The following PCM1 variants were observed in gnomAD, a reference collection of about 807,000 sequenced individuals.
PCM1 encodes the protein pericentriolar material 1.
A neutral mutation model predicts 241.9 loss-of-function variants in PCM1; 157 were observed. The ratio of observed to expected loss-of-function variants is 0.65; its 90% CI spans 0.57 to 0.74. The LOEUF (loss-of-function observed/expected upper bound fraction) is 0.74. Among genes scored for constraint, PCM1 ranks in the 30% least tolerant of loss-of-function variants. The probability of loss-of-function intolerance (pLI) is 0.00; values close to 1 mark genes in which losing one functional copy is unlikely to be tolerated. For missense variants in PCM1, 3,478 were observed against 2,360.1 expected (o/e 1.47, Z -9.81); for synonymous variants, 1,085 against 784.9 (o/e 1.38, Z -6.39).
chr8:17,938,693 G>A, intron 4 of PCM1, 47 bp from the exon 5 acceptor site: 1 of 1,478,136 alleles, frequency 6.8e-7, no homozygotes, highest in African/African-American at 1.4e-5. Context: ...ACAAAATTTT[G>A]TCATAAGGTT....
chr8:17,951,074 C>A (rs549683541), intron 8 of PCM1, among the ~76,000 whole-genome samples: 1 of 152,158 alleles, frequency 6.6e-6, no homozygotes, highest in African/African-American at 2.4e-5. Context: ...TAAGACTTTG[C>A]TTTAAATCTG....
At position 17,938,294 on chromosome 8, in the gene PCM1, T is replaced by C. The variant is rs550949722; in HGVS notation, c.343-446T>C. Among the ~76,000 whole-genome samples, 77 of 152,302 alleles carry C rather than the reference T, an allele frequency of 5.1e-4. No homozygotes were observed. In the South Asian group the frequency reaches 0.013, roughly 27 times the overall value. ...TTCGTGCACAAAATTATTAAAAATA[T>C]TGTATAAGATTACCTTCAGATTATG... On this transcript the variant is annotated intron_variant, in intron 4 of 38. Transcript: ENST00000325083.
intron 11 of PCM1, among the ~76,000 whole-genome samples, chr8:17,957,028 A>G (rs1007589436): frequency 5.9e-5 from 9 of 152,018 alleles, no homozygotes; most frequent in Non-Finnish European, 1.0e-4. Flanking sequence ...CTAACTTAGC[A>G]TTTTGCTGTC....
intron 9 of PCM1, 131 bp downstream of exon 9, chr8:17,953,317 T>A (rs893420578): frequency 6.0e-5 from 28 of 463,248 alleles, no homozygotes; most frequent in African/African-American, 4.6e-4. Flanking sequence ...AAGACTTGCA[T>A]ATGAAAAGTT....
At chr8:17,981,316 T>C (rs2129475492) in intron 24 of PCM1, among the ~76,000 whole-genome samples, 1 of 152,368 alleles carries the variant, frequency 6.6e-6, no homozygotes, top group South Asian at 2.1e-4. Flanking sequence ...GTTTCTCTGC[T>C]GGACTCTTAA....
chr8:17,939,734 C>T lies in PCM1; in HGVS notation c.656C>T (p.Ala219Val). ...CAAATTCGCGATTATATTACTAAAGCTAGTTCCATGCGGGAAGATCTTGTA... is the reference window on the plus strand; with the variant it reads ...CAAATTCGCGATTATATTACTAAAGTTAGTTCCATGCGGGAAGATCTTGTA... ...LVQIRDYITKASSMREDLVEK... is the reference protein window; with the variant it reads ...LVQIRDYITKVSSMREDLVEK... The change falls in exon 6 of 39, where the codon GCT becomes GTT. Residue 219 changes from alanine (A) to valine (V), a missense_variant. By Grantham distance (64) the Ala-to-Val change is moderately conservative. Coordinates refer to ENST00000325083, the MANE Select transcript of PCM1 (RefSeq NM_006197.4). 1 of 1,559,722 alleles carries T rather than the reference C, an allele frequency of 6.4e-7. No individual in the cohort carries two copies.
At chr8:17,969,840 CG>C in intron 22 of PCM1, 92 bp downstream of exon 22, 5 of 951,164 alleles carry the variant, frequency 5.3e-6, no homozygotes, top group Non-Finnish European at 8.0e-6. Context: ...CTAGGGAGGA[CG>C]TTTGTGATGA....
chr8:17,956,778 G>A lies in PCM1; in HGVS notation c.1646+1G>A, dbSNP rs1000179826. On this transcript the variant is annotated splice_donor_variant, in intron 11 of 38. Coordinates refer to ENST00000325083, the MANE Select transcript of PCM1 (RefSeq NM_006197.4). LOFTEE classifies it high-confidence loss of function. ...ATTCCGAGCCTGTTACTAACATTCG[G>A]TAAGAACTTTTCTGGGGATGTTTTT... The A allele has an allele frequency of 6.2e-7, 1 of 1,603,000 alleles. No individual in the cohort carries two copies. The highest frequency in any genetic ancestry group is 1.7e-5 in the Admixed American group (1 of 59,010).
At position 17,966,486 on chromosome 8, in the gene PCM1, T is replaced by C; in HGVS notation, c.3221+13T>C. 6.2e-7 allele frequency: 1 copy of C among 1,612,078 alleles called. No homozygotes were observed. The highest frequency in any genetic ancestry group is 8.5e-7 in the Non-Finnish European group (1 of 1,178,578). On this transcript the variant is annotated intron_variant, in intron 20 of 38. Coordinates refer to ENST00000325083, the MANE Select transcript of PCM1 (RefSeq NM_006197.4). ...ATAATGTTCAGAGGTAATCTGTTTC[T>C]TAGAAGTATTGAGACTGTATAAGAG...
chr8:17,994,369 A>G (rs1319953921), intron 29 of PCM1, among the ~76,000 whole-genome samples: 1 of 152,114 alleles, frequency 6.6e-6, no homozygotes, highest in African/African-American at 2.4e-5. Flanking sequence ...AGGTCTCATT[A>G]TTTTTTATGG....
At position 17,961,055 on chromosome 8, in the gene PCM1, T is replaced by C. The variant is rs528741779; in HGVS notation, c.2322+611T>C. ...TGACTTTTGCAGTTATGGACCAGCATTTCCATCTTTTACTGGCCTGAAATA... is the reference window on the plus strand; with the variant it reads ...TGACTTTTGCAGTTATGGACCAGCACTTCCATCTTTTACTGGCCTGAAATA... On this transcript the variant is annotated intron_variant, in intron 15 of 38. Coordinates refer to ENST00000325083, the MANE Select transcript of PCM1 (RefSeq NM_006197.4). 3.3e-5 allele frequency among the ~76,000 whole-genome samples: 5 copies of C among 152,288 alleles called. No individual in the cohort carries two copies. The East Asian group carries it at 5.8e-4, about 18-fold the overall frequency.
At chr8:17,951,031 T>C (rs960802503) in intron 8 of PCM1, among the ~76,000 whole-genome samples, 2 of 152,212 alleles carry the variant, frequency 1.3e-5, no homozygotes, top group South Asian at 4.1e-4. Flanking sequence ...ACGTATTCTT[T>C]TTTCCTCTAA....
intron 4 of PCM1, among the ~76,000 whole-genome samples, chr8:17,938,512 G>A (rs2061104490): frequency 1.3e-5 from 2 of 152,180 alleles, no homozygotes; most frequent in East Asian, 1.9e-4. Context: ...GTTCATATTC[G>A]TCAGTTGAAT....
At chr8:17,953,521 A>G (rs1229357904) in intron 9 of PCM1, among the ~76,000 whole-genome samples, 5 of 151,960 alleles carry the variant, frequency 3.3e-5, no homozygotes, top group Non-Finnish European at 5.9e-5. Flanking sequence ...ATTTTCCCTT[A>G]AAGAAAAGTT....
chr8:17,941,276 T>G (rs1264608087), intron 6 of PCM1, among the ~76,000 whole-genome samples: 1 of 152,188 alleles, frequency 6.6e-6, no homozygotes, highest in African/African-American at 2.4e-5. Flanking sequence ...GGAACTTGTA[T>G]AGATTTATTG....
chr8:17,928,775 G>C (rs543794400), intron 2 of PCM1, among the ~76,000 whole-genome samples: 1 of 152,014 alleles, frequency 6.6e-6, no homozygotes, highest in Non-Finnish European at 1.5e-5. Flanking sequence ...GGGATTACAG[G>C]CATGTGCCAC....
chr8:17,972,924 T>A (rs1472726379), intron 23 of PCM1, among the ~76,000 whole-genome samples: 1 of 152,186 alleles, frequency 6.6e-6, no homozygotes, highest in African/African-American at 2.4e-5. Context: ...TTTTTGTACT[T>A]CTTAAAGCTT....
intron 29 of PCM1, among the ~76,000 whole-genome samples, chr8:18,003,594 G>A (rs1455466437): frequency 6.6e-6 from 1 of 151,970 alleles, no homozygotes; most frequent in East Asian, 1.9e-4. Context: ...TAGCACTTAT[G>A]ACAAAGGATC....
At chr8:17,966,561 G>C in intron 20 of PCM1, 88 bp downstream of exon 20, 2 of 1,144,764 alleles carry the variant, frequency 1.7e-6, no homozygotes, top group Non-Finnish European at 2.5e-6. Flanking sequence ...AAAAGAGCAA[G>C]ACCAAATTGC....
Sources: gnomAD v4.1 joint callset for allele counts (sites outside exome capture counted in the v4.1 genomes callset) on GRCh38, gnomAD v4.1.1 for gene constraint, MANE v1.5 for transcripts, NCBI Gene and HGNC (gene_info 2026-07-23, HGNC 2026-07-21) for gene names.